The following KIF26B variants were observed in gnomAD, a reference collection of about 807,000 sequenced individuals.
KIF26B encodes the protein kinesin-like protein KIF26B.
A neutral mutation model predicts 151.2 loss-of-function variants in KIF26B; 63 were observed. That is an observed-to-expected ratio of 0.42 (90% CI 0.34 to 0.51). The LOEUF (loss-of-function observed/expected upper bound fraction) is 0.51, where lower values mean the gene tolerates loss of function less well. Ranked by LOEUF, KIF26B falls within the 20% of genes least tolerant of loss-of-function variation. The pLI is 0.07. For synonymous variants in KIF26B, 1,357 were observed against 1,262.1 expected (o/e 1.08, Z -1.59); for missense variants, 2,813 against 2,913.6 (o/e 0.97, Z 0.79).
intron 10 of KIF26B, among the ~76,000 whole-genome samples, chr1:245,654,103 G>A (rs2044049029): frequency 6.6e-6 from 1 of 152,114 alleles, no homozygotes; most frequent in Admixed American, 6.6e-5. Flanking sequence ...CGAGGGGCAG[G>A]GCTGATGGTA....
chr1:245,156,904 A>G (rs986972026), intron 2 of KIF26B, among the ~76,000 whole-genome samples: 1 of 152,134 alleles, frequency 6.6e-6, no homozygotes, highest in African/African-American at 2.4e-5. Context: ...CCGAGTCCCG[A>G]GCGCGAAGGG....
rs1164111004 is a variant in KIF26B at position 245,576,299 on chromosome 1, T to C, written c.1351-26278T>C. ...GCAGCCATCTATACGTGAAGTGTCA[T>C]TGTTGGTGGTTTGGGAGTTTTATTT... On this transcript the variant is annotated intron_variant, in intron 5 of 14. Coordinates refer to ENST00000407071, the MANE Select transcript of KIF26B (RefSeq NM_018012.4). 2.6e-5 allele frequency among the ~76,000 whole-genome samples: 4 copies of C among 152,130 alleles called. 1 individual carries two copies. In the South Asian group the frequency reaches 6.2e-4, roughly 24 times the overall value.
At chr1:245,245,049 T>G (rs1252388004) in intron 2 of KIF26B, among the ~76,000 whole-genome samples, 1 of 152,036 alleles carries the variant, frequency 6.6e-6, no homozygotes, top group Non-Finnish European at 1.5e-5. Context: ...GCTGTAGAAC[T>G]CCATGCAGGG....
chr1:245,603,869 T>A (rs2043423037), intron 6 of KIF26B, among the ~76,000 whole-genome samples: 1 of 152,078 alleles, frequency 6.6e-6, no homozygotes, highest in South Asian at 2.1e-4. Context: ...TTGGGGCCAT[T>A]TTTATTAATC....
rs1670179408 is a variant in KIF26B at position 245,239,796 on chromosome 1, C to T, written c.465+83113C>T. 6.6e-6 allele frequency among the ~76,000 whole-genome samples: 1 copy of T among 152,098 alleles called. No individual in the cohort carries two copies. The highest frequency in any genetic ancestry group is 2.4e-5 in the African/African-American group (1 of 41,416). ...CAGGCATGAGCCATTGTGTCCTGAC[C>T]AGTAAAATGATTTTCTGAATGTTTT... On this transcript the variant is annotated intron_variant, in intron 2 of 14. Coordinates refer to ENST00000407071, the MANE Select transcript of KIF26B (RefSeq NM_018012.4). This position sits in a 1 kb window ranked among gnomAD's most constrained non-coding sequence, Gnocchi z 4.3.
At chr1:245,430,178 A>T (rs1176303850) in intron 4 of KIF26B, among the ~76,000 whole-genome samples, 2 of 152,072 alleles carry the variant, frequency 1.3e-5, no homozygotes, top group Non-Finnish European at 2.9e-5. Context: ...ATGGGGTGAC[A>T]TGGAGTAGAT....
intron 4 of KIF26B, among the ~76,000 whole-genome samples, chr1:245,450,525 G>A (rs938130607): frequency 2.0e-5 from 3 of 152,228 alleles, no homozygotes; most frequent in Non-Finnish European, 2.9e-5. Flanking sequence ...CTGCGGCTGC[G>A]TGAGACTAAT....
rs1668635006 is a variant in KIF26B, at chr1:245,167,547, T to C, written c.465+10864T>C. 6.6e-6 allele frequency among the ~76,000 whole-genome samples: 1 copy of C among 152,160 alleles called. No individual in the cohort carries two copies. The highest frequency in any genetic ancestry group is 2.4e-5 in the African/African-American group (1 of 41,434). ...AAGAATGGGAGACTCACCTATTAAC[T>C]GATTAGAAGCCAGCAATAACAACCA... On this transcript the variant is annotated intron_variant, in intron 2 of 14. Coordinates refer to ENST00000407071, the MANE Select transcript of KIF26B (RefSeq NM_018012.4). This position sits in a 1 kb window ranked among gnomAD's most constrained non-coding sequence, Gnocchi z 4.2.
intron 4 of KIF26B, among the ~76,000 whole-genome samples, chr1:245,463,459 T>C (rs956345306): frequency 6.6e-6 from 1 of 152,184 alleles, no homozygotes; most frequent in Non-Finnish European, 1.5e-5. Context: ...ATGACGGGTT[T>C]TCTTTTTTCC....
chr1:245,534,125 TCTC>T (rs1461461567), intron 4 of KIF26B, among the ~76,000 whole-genome samples: 3 of 151,922 alleles, frequency 2.0e-5, no homozygotes, highest in African/African-American at 4.8e-5. Context: ...CTACTGCTCT[TCTC>T]CTCACTGCCT....
At position 245,486,522 on chromosome 1, in the gene KIF26B, T is replaced by C. The variant is rs1466911778; in HGVS notation, c.1167-54245T>C. The stretch of plus-strand genomic sequence containing the variant: ...GTGCTCACGGCAATCCAGTAGTTAT[T>C]ATAGAGCTTTTAAATACGTAAGATA... On this transcript the variant is annotated intron_variant, in intron 4 of 14. Coordinates refer to ENST00000407071, the MANE Select transcript of KIF26B (RefSeq NM_018012.4). Among the ~76,000 whole-genome samples, 4 of 152,208 alleles carry C rather than the reference T, an allele frequency of 2.6e-5. No individual in the cohort carries two copies. The East Asian group carries it at 7.7e-4, about 29-fold the overall frequency.
At chr1:245,196,194 G>C (rs1241848415) in intron 2 of KIF26B, among the ~76,000 whole-genome samples, 1 of 152,180 alleles carries the variant, frequency 6.6e-6, no homozygotes, top group Non-Finnish European at 1.5e-5. Context: ...TGGTAAATGA[G>C]ATATAAGATG....
chr1:245,443,778 C>T (rs1259255598), intron 4 of KIF26B, among the ~76,000 whole-genome samples: 10 of 95,088 alleles, frequency 1.1e-4, no homozygotes, highest in Non-Finnish European at 6.8e-5. Context: ...TCACTGTTCA[C>T]CCTGCGGTCA....
At chr1:245,417,754 C>G (rs1558157848) in intron 3 of KIF26B, among the ~76,000 whole-genome samples, 3 of 152,220 alleles carry the variant, frequency 2.0e-5, no homozygotes, top group African/African-American at 7.2e-5. Flanking sequence ...CTGGACCCAC[C>G]CAGAAAGCTG....
intron 10 of KIF26B, among the ~76,000 whole-genome samples, chr1:245,648,751 C>G (rs953548087): frequency 2.0e-5 from 3 of 152,236 alleles, no homozygotes; most frequent in African/African-American, 7.2e-5. Context: ...GACATCTCCA[C>G]TCACCAGTCC....
In KIF26B at chr1:245,576,366, A is replaced by C. The variant is rs138159944; in HGVS notation, c.1351-26211A>C. Among the ~76,000 whole-genome samples, 1,307 of 152,248 alleles carry C rather than the reference A, an allele frequency of 8.6e-3. 13 individuals carry two copies. The highest frequency in any genetic ancestry group is 0.031 in the Middle Eastern group (9 of 294). The stretch of plus-strand genomic sequence containing the variant: ...TCTCCTGTCTCCTCAGCTCCCCCAG[A>C]ACTCCCTGTAATCATATTTGCTATC... On this transcript the variant is annotated intron_variant, in intron 5 of 14. Coordinates refer to ENST00000407071, the MANE Select transcript of KIF26B (RefSeq NM_018012.4).
At chr1:245,247,556 G>T (rs1670360860) in intron 2 of KIF26B, among the ~76,000 whole-genome samples, 1 of 152,246 alleles carries the variant, frequency 6.6e-6, no homozygotes, top group African/African-American at 2.4e-5. Context: ...CTGACATTCT[G>T]CCCGAGAAGC....
chr1:245,157,087 G>A (rs1668451557), intron 2 of KIF26B, among the ~76,000 whole-genome samples: 1 of 151,866 alleles, frequency 6.6e-6, no homozygotes, highest in South Asian at 2.1e-4. Flanking sequence ...GCAAGCTGAT[G>A]CTCGGAGCTG....
At chr1:245,293,593 T>G (rs1573757524) in intron 2 of KIF26B, among the ~76,000 whole-genome samples, 1 of 117,948 alleles carries the variant, frequency 8.5e-6, no homozygotes, top group South Asian at 2.7e-4. Context: ...TTTTTTTTTT[T>G]TGGAGATGGA....
Sources: gnomAD v4.1 joint callset for allele counts (sites outside exome capture counted in the v4.1 genomes callset) on GRCh38, gnomAD v4.1.1 for gene constraint, Gnocchi (gnomAD v3.1) non-coding constraint, MANE v1.5 for transcripts, NCBI Gene and HGNC (gene_info 2026-07-23, HGNC 2026-07-21) for gene names.